TNC: variants seen among roughly 807,000 people sequenced by gnomAD.
TNC encodes tenascin.
TNC carries 109 observed loss-of-function variants against 202.4 expected under a neutral mutation model. The ratio of observed to expected loss-of-function variants is 0.54; its 90% CI spans 0.46 to 0.63. The LOEUF (loss-of-function observed/expected upper bound fraction) is 0.63. Ranked by LOEUF, TNC falls within the 30% of genes least tolerant of loss-of-function variation. The pLI, the probability that TNC is intolerant of heterozygous loss-of-function variation, is 0.00. For missense variants in TNC, 2,756 were observed against 2,833.3 expected (o/e 0.97, Z 0.62); for synonymous variants, 1,007 against 1,089.7 (o/e 0.92, Z 1.50).
At position 115,046,585 on chromosome 9, in the gene TNC, A is replaced by T. The variant is rs142519338; in HGVS notation, c.4950T>A (p.Phe1650Leu). 1.2e-6 allele frequency: 2 copies of T among 1,614,098 alleles called. No individual in the cohort carries two copies. The highest frequency in any genetic ancestry group is 4.5e-5 in the East Asian group (2 of 44,880). Residue 1650 changes from phenylalanine to leucine, a missense_variant, in exon 17 of 28, where the codon TTT becomes TTA. Around this residue, in one of 2 missense-constraint regions of TNC, gnomAD observed 2,559 missense variants for 2,546.0 expected, o/e 1.01. Transcript: ENST00000350763. ...WTADEGVFDN[F>L]VLKIRDTKKQ... Reference sequence around the variant, plus strand: ...TTTTGGTATCTCTGATTTTGAGAACAAAATTGTCGAAGACCCCTTCATCAG... The same window carrying T: ...TTTTGGTATCTCTGATTTTGAGAACTAAATTGTCGAAGACCCCTTCATCAG...
chr9:115,076,766 T>C (rs1833896287), intron 7 of TNC, among the ~76,000 whole-genome samples, 191 bp from the exon 8 acceptor site: 1 of 152,236 alleles, frequency 6.6e-6, no homozygotes, highest in Non-Finnish European at 1.5e-5. Flanking sequence ...CCTTTCCCTA[T>C]TATGGATGAG....
intron 19 of TNC, among the ~76,000 whole-genome samples, chr9:115,040,455 G>A (rs903139251): frequency 6.6e-6 from 1 of 152,200 alleles, no homozygotes; most frequent in African/African-American, 2.4e-5. Flanking sequence ...CAGGCAATAG[G>A]CGGGGAGGTG....
intron 13 of TNC, among the ~76,000 whole-genome samples, chr9:115,060,663 TAGAA>T (rs1832475512): frequency 6.6e-6 from 1 of 152,242 alleles, no homozygotes; most frequent in East Asian, 1.9e-4. Context: ...TATTTATAAT[TAGAA>T]AGATTATCTC....
intron 4 of TNC, 29 bp from the exon 5 acceptor site, chr9:115,082,836 A>G (rs1228060336): frequency 6.6e-7 from 1 of 1,510,646 alleles, no homozygotes; most frequent in Admixed American, 1.7e-5. Context: ...ATAGAACGTA[A>G]GGATAGGGCA....
intron 15 of TNC, among the ~76,000 whole-genome samples, chr9:115,056,078 G>C (rs904767931): frequency 6.6e-6 from 1 of 152,090 alleles, no homozygotes; most frequent in Non-Finnish European, 1.5e-5. Context: ...CTCAACCATG[G>C]GTGACCTAAA....
chr9:115,054,801 C>T (rs972825459), intron 15 of TNC, among the ~76,000 whole-genome samples: 1 of 152,164 alleles, frequency 6.6e-6, no homozygotes, highest in African/African-American at 2.4e-5. Context: ...GAATATTCAC[C>T]ACATGCACCA....
At chr9:115,054,590 A>G (rs1199349592) in intron 15 of TNC, among the ~76,000 whole-genome samples, 1 of 152,204 alleles carries the variant, frequency 6.6e-6, no homozygotes, top group Non-Finnish European at 1.5e-5. Flanking sequence ...CTTTACCTCC[A>G]GCTGCCTCTC....
At chr9:115,046,964 AT>A (rs1180690579) in intron 16 of TNC, among the ~76,000 whole-genome samples, 2 of 152,204 alleles carry the variant, frequency 1.3e-5, no homozygotes, top group Non-Finnish European at 2.9e-5. Flanking sequence ...TGGACTCAGC[AT>A]TGGCCCGTCC....
At chr9:115,044,260 AT>A (rs1173218253) in intron 17 of TNC, among the ~76,000 whole-genome samples, 1 of 128,738 alleles carries the variant, frequency 7.8e-6, no homozygotes, top group African/African-American at 2.9e-5. Context: ...AGGAGAAAGG[AT>A]TAAAAAAAAA....
At chr9:115,085,108 C>T (rs1834608492) in intron 3 of TNC, among the ~76,000 whole-genome samples, 1 of 152,132 alleles carries the variant, frequency 6.6e-6, no homozygotes, top group Non-Finnish European at 1.5e-5. Flanking sequence ...ACAAAGAAGA[C>T]ACTCATTAAA....
Position 115,086,142 on chromosome 9 carries a change from A to G in TNC, c.1589T>C (p.Leu530Pro). The change falls in exon 3 of 28, where the codon CTC (leucine) becomes CCC (proline). Residue 530 changes from leucine (L) to proline (P), a missense_variant. Leu to Pro is a moderately conservative substitution (Grantham distance 98, BLOSUM62 -3). Transcript: ENST00000350763. Reference sequence around the variant, plus strand: ...GCCATGGCAGTCATTTGGACAGGAGAGTTCTGCACAGTCAGGGCCGGTGAA... The same window carrying G: ...GCCATGGCAGTCATTTGGACAGGAGGGTTCTGCACAGTCAGGGCCGGTGAA... The part of the protein sequence containing the change: ...DGFTGPDCAE[L>P]SCPNDCHGQG... The G allele has an allele frequency of 6.2e-7, 1 of 1,613,928 alleles. No homozygotes were observed. Among genetic ancestry groups the G allele is most frequent in the Non-Finnish European group, 8.5e-7 (1 of 1,179,920 alleles).
intron 1 of TNC, among the ~76,000 whole-genome samples, chr9:115,101,533 G>A (rs1010975039): frequency 1.3e-5 from 2 of 152,174 alleles, no homozygotes; most frequent in Non-Finnish European, 2.9e-5. Flanking sequence ...TTAACTCCAT[G>A]TACAGTTGAT....
chr9:115,074,473 C>T (rs1833694119), intron 9 of TNC, among the ~76,000 whole-genome samples: 1 of 152,236 alleles, frequency 6.6e-6, no homozygotes. Context: ...TGATCTTGGA[C>T]TTCGCAGCCT....
chr9:115,039,015 A>G (rs147246011), intron 19 of TNC, among the ~76,000 whole-genome samples: 267 of 152,010 alleles, frequency 1.8e-3, no homozygotes, highest in African/African-American at 6.0e-3. Flanking sequence ...TTCAGTAGAG[A>G]TGGGTTTTTT....
At chr9:115,107,259 C>T (rs1206775234) in intron 1 of TNC, among the ~76,000 whole-genome samples, 1 of 152,082 alleles carries the variant, frequency 6.6e-6, no homozygotes, top group Non-Finnish European at 1.5e-5. Context: ...ATTTCAGTCA[C>T]AACTATTCAA....
chr9:115,080,267 C>T (rs1399824213), intron 6 of TNC, among the ~76,000 whole-genome samples: 1 of 152,202 alleles, frequency 6.6e-6, no homozygotes, highest in African/African-American at 2.4e-5. Flanking sequence ...TGCACCTCCT[C>T]CATAGCAACT....
At chr9:115,031,296 T>C (rs1011215605) in intron 23 of TNC, among the ~76,000 whole-genome samples, 3 of 152,210 alleles carry the variant, frequency 2.0e-5, no homozygotes, top group Non-Finnish European at 2.9e-5. Flanking sequence ...GATTATAGGA[T>C]GGAAGTAGCA....
intron 10 of TNC, among the ~76,000 whole-genome samples, chr9:115,071,897 C>T (rs769774780): frequency 1.8e-4 from 28 of 152,108 alleles, no homozygotes; most frequent in African/African-American, 5.1e-4. Flanking sequence ...GTTCTATCCC[C>T]GCCCCCCACC....
In TNC at chr9:115,062,982, G is replaced by T. The variant is rs376939953; in HGVS notation, c.3968C>A (p.Thr1323Lys). The change falls in exon 13 of 28, where the codon ACA (threonine) becomes AAA (lysine). Residue 1323 changes from threonine to lysine, a missense_variant. Thr to Lys is a moderately conservative substitution (Grantham distance 78, BLOSUM62 -1). Around this residue, in one of 2 missense-constraint regions of TNC, gnomAD observed 2,559 missense variants for 2,546.0 expected, o/e 1.01. Transcript: ENST00000350763. ...CCTGACCTCGCCGTGCAGGGTGACT[G>T]TGTAAGGAGTGCCAGCCCTGAGGCC... ...IPGLRAGTPY[T>K]VTLHGEVRGH... is the part of the protein sequence containing the mutation. 11 of 1,614,000 alleles carry T rather than the reference G, an allele frequency of 6.8e-6. No individual in the cohort carries two copies. Among genetic ancestry groups the T allele is most frequent in the Non-Finnish European group, 6.8e-6 (8 of 1,180,016 alleles).
Sources: allele counts gnomAD v4.1 joint callset (sites outside exome capture counted in the v4.1 genomes callset), GRCh38; gene constraint gnomAD v4.1.1; regional missense constraint gnomAD v4.1.1; transcripts MANE v1.5; gene names NCBI Gene and HGNC (gene_info 2026-07-23, HGNC 2026-07-21).